The following TBC1D5 variants were observed in gnomAD, a reference collection of about 807,000 sequenced individuals.
The protein encoded by TBC1D5 is TBC1 domain family, member 5.
Under a neutral mutation model 100.3 loss-of-function variants are expected in TBC1D5, and 75 were observed. The observed-to-expected ratio is 0.75, with a 90% CI of 0.62 to 0.91. TBC1D5 has a LOEUF of 0.91. Among genes scored for constraint, TBC1D5 ranks in the 40% least tolerant of loss-of-function variants. TBC1D5 has a pLI of 0.00. For synonymous variants in TBC1D5, 323 were observed against 325.6 expected (o/e 0.99, Z 0.09); for missense variants, 910 against 942.4 (o/e 0.97, Z 0.45).
chr3:17,625,219 T>C (rs946230044), intron 1 of TBC1D5, among the ~76,000 whole-genome samples: 1 of 151,986 alleles, frequency 6.6e-6, no homozygotes, highest in South Asian at 2.1e-4. Flanking sequence ...TTTTTTAATA[T>C]GTATGCTAAA....
At chr3:17,693,292 G>A (rs993228134) in intron 1 of TBC1D5, among the ~76,000 whole-genome samples, 1 of 152,224 alleles carries the variant, frequency 6.6e-6, no homozygotes, top group African/African-American at 2.4e-5. Flanking sequence ...TGACTCAACC[G>A]GGAAGTGCAA....
intron 2 of TBC1D5, among the ~76,000 whole-genome samples, chr3:17,583,468 G>T (rs548788281): frequency 6.6e-6 from 1 of 152,000 alleles, no homozygotes; most frequent in Admixed American, 6.6e-5. Context: ...GCTCATGCCT[G>T]TAATCCTAAC....
intron 9 of TBC1D5, among the ~76,000 whole-genome samples, chr3:17,380,755 C>A (rs1245598599): frequency 4.6e-5 from 7 of 152,022 alleles, no homozygotes; most frequent in Non-Finnish European, 1.0e-4. Flanking sequence ...TTTAGCCCAC[C>A]AAGCAGTCTT....
intron 1 of TBC1D5, among the ~76,000 whole-genome samples, chr3:17,701,935 T>G (rs2073277553): frequency 6.6e-6 from 1 of 152,070 alleles, no homozygotes; most frequent in South Asian, 2.1e-4. Flanking sequence ...TAAAGAAAGT[T>G]ATTGGAGACC....
At chr3:17,486,686 A>C (rs1294488164) in intron 3 of TBC1D5, among the ~76,000 whole-genome samples, 1 of 152,196 alleles carries the variant, frequency 6.6e-6, no homozygotes, top group African/African-American at 2.4e-5. Context: ...GACGGGCTGC[A>C]CTGAGATAAC....
chr3:17,457,147 T>C (rs530566666), intron 3 of TBC1D5, among the ~76,000 whole-genome samples: 4 of 152,326 alleles, frequency 2.6e-5, no homozygotes, highest in East Asian at 3.9e-4. Context: ...GTGTGAATGA[T>C]ATACAATGTT....
chr3:17,281,940 G>A (rs887844286), intron 15 of TBC1D5, among the ~76,000 whole-genome samples: 6 of 151,780 alleles, frequency 4.0e-5, no homozygotes, highest in Non-Finnish European at 7.4e-5. Context: ...CATAACTTAT[G>A]ATTTGTAATC....
intron 2 of TBC1D5, among the ~76,000 whole-genome samples, chr3:17,561,816 G>C (rs964484781): frequency 6.6e-6 from 1 of 152,120 alleles, no homozygotes; most frequent in Non-Finnish European, 1.5e-5. Context: ...GACAAAGAGA[G>C]CACAAGAGGA....
chr3:17,170,792 TC>T (rs1211408490), intron 19 of TBC1D5, among the ~76,000 whole-genome samples: 1 of 152,110 alleles, frequency 6.6e-6, no homozygotes, highest in Middle Eastern at 3.2e-3. Context: ...TGTGAGCCCA[TC>T]CCAGAACCCT....
chr3:17,699,813 G>GAA (rs577083282), intron 1 of TBC1D5, among the ~76,000 whole-genome samples: 1 of 133,380 alleles, frequency 7.5e-6, no homozygotes, highest in African/African-American at 2.8e-5. Flanking sequence ...TGTGTCAAGG[G>GAA]AAAAAAAAAA....
At chr3:17,478,104 A>G (rs2095459748) in intron 3 of TBC1D5, among the ~76,000 whole-genome samples, 1 of 152,138 alleles carries the variant, frequency 6.6e-6, no homozygotes, top group Admixed American at 6.5e-5. Context: ...AAAATCCAGA[A>G]ATTTAGGAAA....
chr3:17,194,416 A>G (rs1575860619), intron 18 of TBC1D5, among the ~76,000 whole-genome samples: 1 of 152,228 alleles, frequency 6.6e-6, no homozygotes, highest in African/African-American at 2.4e-5. Context: ...TGTACTGAGT[A>G]GCTCTATTAT....
At chr3:17,383,991 C>T (rs1009164201) in exon 9 of TBC1D5, 1 of 1,596,450 alleles carries the variant, frequency 6.3e-7, no homozygotes, top group African/African-American at 1.3e-5. Context: ...CATTTTCTTG[C>T]TGGAAAAACT....
chr3:17,356,310 C>G (rs2091208849), intron 13 of TBC1D5, among the ~76,000 whole-genome samples: 1 of 152,172 alleles, frequency 6.6e-6, no homozygotes, highest in African/African-American at 2.4e-5. Flanking sequence ...ATCTATTTTG[C>G]AAACTCCTTT....
intron 2 of TBC1D5, among the ~76,000 whole-genome samples, chr3:17,620,402 T>C (rs2062560477): frequency 6.6e-6 from 1 of 152,216 alleles, no homozygotes; most frequent in Non-Finnish European, 1.5e-5. Flanking sequence ...TGGAAACTAC[T>C]TAAATGCGCA....
intron 2 of TBC1D5, among the ~76,000 whole-genome samples, chr3:17,604,583 GCTTAGT>G (rs2153601315): frequency 6.6e-6 from 1 of 152,248 alleles, no homozygotes; most frequent in South Asian, 2.1e-4. Context: ...ACCCTCAGTA[GCTTAGT>G]CTATTTTCAG....
chr3:17,196,139 A>G (rs1575874139), intron 18 of TBC1D5, among the ~76,000 whole-genome samples: 1 of 152,354 alleles, frequency 6.6e-6, no homozygotes, highest in African/African-American at 2.4e-5. Flanking sequence ...CAAGAGCCTT[A>G]TAAGTAAACA....
At position 17,637,284 on chromosome 3, in the gene TBC1D5, C is replaced by T. The variant is rs536721089; in HGVS notation, c.-100-13371G>A. On this transcript the variant is annotated intron_variant, in intron 1 of 21. Transcript: ENST00000253692. ...GTCTCAATCTCCTGACCTCGTGATCCGCCCACCTCAGCCTCCCAAAGTGCT... is the reference window on the plus strand; with the variant it reads ...GTCTCAATCTCCTGACCTCGTGATCTGCCCACCTCAGCCTCCCAAAGTGCT... Among the ~76,000 whole-genome samples the T allele has an allele frequency of 1.3e-4, 19 of 148,640 alleles. No homozygotes were observed. In the South Asian group the frequency reaches 2.1e-3, roughly 17 times the overall value.
rs578209242 is a variant in TBC1D5, at chr3:17,558,835, C to T, written c.-35-50230G>A. 6.6e-5 allele frequency among the ~76,000 whole-genome samples: 10 copies of T among 152,256 alleles called. 1 individual carries two copies. Among genetic ancestry groups the T allele is most frequent in the African/African-American group, 2.2e-4 (9 of 41,550 alleles). On this transcript the variant is annotated intron_variant, in intron 2 of 21. Transcript: ENST00000253692. ...ATAATGTTCATAAGTCAAGAAATAG[C>T]ATTCCTACCTTGAATTTTTTAAACT...
Sources: gnomAD v4.1 joint callset for allele counts (sites outside exome capture counted in the v4.1 genomes callset) on GRCh38, gnomAD v4.1.1 for gene constraint, MANE v1.5 for transcripts, NCBI Gene and HGNC (gene_info 2026-07-23, HGNC 2026-07-21) for gene names.